KLHL4: variants seen among roughly 807,000 people sequenced by gnomAD.
The protein encoded by KLHL4 is kelch-like protein 4.
A neutral mutation model predicts 45.8 loss-of-function variants in KLHL4; 17 were observed. The observed-to-expected ratio is 0.37, with a 90% CI of 0.25 to 0.56. KLHL4 has a LOEUF of 0.56. Ranked by LOEUF, KLHL4 falls within the 20% of genes least tolerant of loss-of-function variation. KLHL4 has a pLI of 0.79. For missense variants in KLHL4, 544 were observed against 544.9 expected (o/e 1.00, Z 0.02); for synonymous variants, 224 against 189.9 (o/e 1.18, Z -1.47).
At chrX:87,526,223 C>G (rs1285038610) in intron 1 of KLHL4, among the ~76,000 whole-genome samples, 1 of 112,162 alleles carries the variant, frequency 8.9e-6, no homozygotes, top group Admixed American at 9.5e-5. Context: ...GTAAGCAACA[C>G]AGCTACTTAA....
intron 9 of KLHL4, among the ~76,000 whole-genome samples, chrX:87,660,320 G>T (rs771761892): frequency 9.0e-6 from 1 of 111,205 alleles, no homozygotes; most frequent in Non-Finnish European, 1.9e-5. Flanking sequence ...TGGTACCTAG[G>T]CATTGAATTC....
chrX:87,605,338 G>A (rs968441289), intron 1 of KLHL4, among the ~76,000 whole-genome samples: 1 of 111,047 alleles, frequency 9.0e-6, no homozygotes, highest in East Asian at 2.8e-4. Context: ...CATTAAATCT[G>A]TAGATTGCAT....
At chrX:87,585,972 G>T (rs971640297) in intron 1 of KLHL4, among the ~76,000 whole-genome samples, 5 of 111,315 alleles carry the variant, frequency 4.5e-5, no homozygotes, top group Non-Finnish European at 9.5e-5. Flanking sequence ...AGCATAAGTA[G>T]CTATACTAAT....
chrX:87,547,806 G>A (rs1247797474), intron 1 of KLHL4, among the ~76,000 whole-genome samples: 2 of 110,850 alleles, frequency 1.8e-5, no homozygotes, highest in Non-Finnish European at 3.8e-5. Flanking sequence ...GGGTGACAGA[G>A]CAAGACTCCA....
intron 1 of KLHL4, among the ~76,000 whole-genome samples, chrX:87,551,587 G>GTAGATAGA (rs780160650): frequency 8.4e-5 from 9 of 107,483 alleles, no homozygotes; most frequent in East Asian, 5.9e-4. Flanking sequence ...AAATAGATAG[G>GTAGATAGA]TAGATAGATA....
Position 87,664,952 on chromosome X carries a change from AT to A in KLHL4, c.2097+19del. ...TGGAAAGAGGTATTCGAATTAAAAT[AT>A]TCAAATTACTATATTTCAGGTTTTA... On this transcript the variant is annotated intron_variant, in intron 10 of 10. Coordinates refer to ENST00000373119, the MANE Select transcript of KLHL4 (RefSeq NM_019117.5). 1 of 1,027,218 alleles carries A rather than the reference AT, an allele frequency of 9.7e-7. No homozygotes were observed. The allele number at this position is 1,027,218 out of a possible 1,213,427, so 84.7% of individuals were successfully genotyped here.
rs185138868 is a variant in KLHL4 at position 87,602,577 on chromosome X, G to A, written c.423-11300G>A. Among the ~76,000 whole-genome samples, 149 of 111,902 alleles carry A rather than the reference G, an allele frequency of 1.3e-3. 1 individual carries two copies. The highest frequency in any genetic ancestry group is 2.6e-3 in the Admixed American group (27 of 10,476). On this transcript the variant is annotated intron_variant, in intron 1 of 10. Coordinates refer to ENST00000373119, the MANE Select transcript of KLHL4 (RefSeq NM_019117.5). ...TGTTGTACAGGTTTGTAGCTGAGGA[G>A]CAATAGGCTGTACTGTATAGCCTAG... is the stretch of plus-strand genomic sequence containing the variant.
intron 3 of KLHL4, 34 bp downstream of exon 3, chrX:87,614,604 C>T: frequency 1.7e-6 from 2 of 1,148,892 alleles, no homozygotes; most frequent in Non-Finnish European, 2.4e-6. Flanking sequence ...TCATAATGAC[C>T]CTACATTACA....
intron 1 of KLHL4, among the ~76,000 whole-genome samples, chrX:87,566,674 C>A (rs1932218424): frequency 8.9e-6 from 1 of 111,754 alleles, no homozygotes; most frequent in Admixed American, 9.5e-5. Flanking sequence ...AAGTCAAACT[C>A]TTTTAAGTGA....
chrX:87,615,617 T>A (rs915578245), intron 3 of KLHL4, among the ~76,000 whole-genome samples: 1 of 111,131 alleles, frequency 9.0e-6, no homozygotes, highest in African/African-American at 3.3e-5. Context: ...AAATACGGTA[T>A]ATGAACACAA....
At chrX:87,637,460 C>T (rs1285444411) in intron 9 of KLHL4, among the ~76,000 whole-genome samples, 1 of 111,284 alleles carries the variant, frequency 9.0e-6, no homozygotes, top group Non-Finnish European at 1.9e-5. Flanking sequence ...AGTAGCTCAC[C>T]AGCAATGGAT....
chrX:87,640,596 T>C (rs1923421789), intron 9 of KLHL4, among the ~76,000 whole-genome samples: 1 of 111,943 alleles, frequency 8.9e-6, no homozygotes, highest in East Asian at 2.8e-4. Flanking sequence ...AATCACATAA[T>C]CATCTCAATA....
intron 1 of KLHL4, among the ~76,000 whole-genome samples, chrX:87,552,076 T>C (rs978430958): frequency 9.0e-6 from 1 of 111,352 alleles, no homozygotes; most frequent in Non-Finnish European, 1.9e-5. Flanking sequence ...AGCTTTTGCA[T>C]GGCAAAAAAA....
At chrX:87,604,074 C>CTT (rs1461882655) in intron 1 of KLHL4, among the ~76,000 whole-genome samples, 1 of 110,562 alleles carries the variant, frequency 9.0e-6, no homozygotes, top group Non-Finnish European at 1.9e-5. Context: ...GATTTTAATC[C>CTT]TTTTTATGGC....
In KLHL4 at chrX:87,614,387, G is replaced by A; in HGVS notation, c.591-47G>A. The A allele has an allele frequency of 2.6e-6, 3 of 1,151,083 alleles. No individual in the cohort carries two copies. In the South Asian group the frequency reaches 5.6e-5, roughly 21 times the overall value. The allele number at this position is 1,151,083 out of a possible 1,213,427, so 94.9% of individuals were successfully genotyped here. On this transcript the variant is annotated intron_variant, in intron 2 of 10. Coordinates refer to ENST00000373119, the MANE Select transcript of KLHL4 (RefSeq NM_019117.5). ...CTGAATCCATTTCATGCTTTTCAGTGAAATTATTGACTCATTTAAATTCCT... is the reference window on the plus strand; with the variant it reads ...CTGAATCCATTTCATGCTTTTCAGTAAAATTATTGACTCATTTAAATTCCT...
chrX:87,527,782 G>A (rs1259442798), intron 1 of KLHL4, among the ~76,000 whole-genome samples: 2 of 101,960 alleles, frequency 2.0e-5, no homozygotes, highest in Non-Finnish European at 3.9e-5. Context: ...AGGAAAGAAA[G>A]ACTCTCTCTG....
chrX:87,531,380 T>C (rs770691932), intron 1 of KLHL4, among the ~76,000 whole-genome samples: 1 of 111,565 alleles, frequency 9.0e-6, no homozygotes, highest in East Asian at 2.8e-4. Flanking sequence ...GGTTTTCTTC[T>C]AGGGTTTGTA....
intron 1 of KLHL4, among the ~76,000 whole-genome samples, chrX:87,599,166 C>T (rs1379139968): frequency 9.1e-6 from 1 of 110,483 alleles, no homozygotes; most frequent in African/African-American, 3.3e-5. Context: ...GACTACATGA[C>T]TTGTCTTTCC....
intron 9 of KLHL4, among the ~76,000 whole-genome samples, chrX:87,636,601 C>G (rs959211783): frequency 9.0e-6 from 1 of 111,186 alleles, no homozygotes; most frequent in South Asian, 3.9e-4. Flanking sequence ...CACTGGCTGC[C>G]TTGAAATAAG....
Sources: allele counts gnomAD v4.1 joint callset (sites outside exome capture counted in the v4.1 genomes callset), GRCh38; gene constraint gnomAD v4.1.1; transcripts MANE v1.5; gene names NCBI Gene and HGNC (gene_info 2026-07-23, HGNC 2026-07-21).